NEXN: variants seen among roughly 807,000 people sequenced by gnomAD.
NEXN encodes nexilin.
NEXN carries 65 observed loss-of-function variants against 92.6 expected under a neutral mutation model. That is an observed-to-expected ratio of 0.70 (90% confidence interval 0.57 to 0.86). NEXN has a LOEUF of 0.86. Ranked by LOEUF, NEXN falls within the 40% of genes least tolerant of loss-of-function variation. The pLI, the probability that NEXN is intolerant of heterozygous loss-of-function variation, is 0.00. For missense variants in NEXN, 778 were observed against 771.1 expected, an observed-to-expected ratio of 1.01 and a Z score of -0.11; for synonymous variants, 254 against 242.5, an observed-to-expected ratio of 1.05 and a Z score of -0.44.
intron 11 of NEXN, among the ~76,000 whole-genome samples, chr1:77,939,007 A>G (rs1651027927): frequency 6.6e-6 from 1 of 152,226 alleles, no homozygotes; most frequent in African/African-American, 2.4e-5. Flanking sequence ...CAGAGTAATA[A>G]AATATTTATG....
At chr1:77,923,644 G>A (rs1419964474) in intron 5 of NEXN, among the ~76,000 whole-genome samples, 1 of 150,064 alleles carries the variant, frequency 6.7e-6, no homozygotes. Flanking sequence ...CTAAACTAAC[G>A]GTATTTCTTA....
chr1:77,904,606 C>T (rs1647963898), intron 1 of NEXN, among the ~76,000 whole-genome samples: 1 of 152,094 alleles, frequency 6.6e-6, no homozygotes, highest in Non-Finnish European at 1.5e-5. Flanking sequence ...TGGAAAGCAA[C>T]TGATCCCCTG....
At chr1:77,923,317 A>C (rs1278072639) in intron 5 of NEXN, among the ~76,000 whole-genome samples, 3 of 151,860 alleles carry the variant, frequency 2.0e-5, no homozygotes, top group Non-Finnish European at 2.9e-5. Flanking sequence ...AAAATGTATT[A>C]TTTCTTTCTT....
intron 6 of NEXN, among the ~76,000 whole-genome samples, chr1:77,925,626 T>C (rs1205793077): frequency 2.0e-5 from 3 of 152,300 alleles, no homozygotes; most frequent in Middle Eastern, 3.4e-3. Flanking sequence ...TTGGTTTTTA[T>C]ATAATAGTAC....
intron 5 of NEXN, among the ~76,000 whole-genome samples, chr1:77,923,512 C>T (rs149867024): frequency 6.6e-6 from 1 of 152,056 alleles, no homozygotes; most frequent in African/African-American, 2.4e-5. Flanking sequence ...ACTTTTTTAA[C>T]GGTTCCATTT....
Position 77,904,780 on chromosome 1 carries a change from T to C in NEXN, c.-52-11275T>C, listed in dbSNP as rs1279339438. 3.3e-5 allele frequency among the ~76,000 whole-genome samples: 5 copies of C among 152,272 alleles called. No homozygotes were observed. The East Asian group carries it at 9.6e-4, about 29-fold the overall frequency. ...CTTTCAATTCTATAGTAGGCATGGT[T>C]GATGTTAGAACCTTACCTGTGTTTG... is the stretch of plus-strand genomic sequence containing the variant. On this transcript the variant is annotated intron_variant, in intron 1 of 12. Coordinates refer to ENST00000334785, the MANE Select transcript of NEXN (RefSeq NM_144573.4).
At chr1:77,938,813 A>G (rs569170416) in intron 11 of NEXN, among the ~76,000 whole-genome samples, 1 of 152,294 alleles carries the variant, frequency 6.6e-6, no homozygotes, top group South Asian at 2.1e-4. Flanking sequence ...AGCCTTCCAG[A>G]TTAACTCAGA....
rs777950595 is a variant in NEXN at position 77,942,669 on chromosome 1, A to G, written c.1868A>G (p.Gln623Arg). Residue 623 changes from glutamine (Q) to arginine (R), a missense_variant, in exon 13 of 13, where the codon CAG becomes CGG. Transcript: ENST00000334785. ...ITWWFEGEIL[Q>R]DGEDYQYIER... ...TGGTGGTTTGAAGGAGAAATACTGC[A>G]GGATGGAGAAGACTATCAATATATT... 1.2e-6 allele frequency: 2 copies of G among 1,613,804 alleles called. No individual in the cohort carries two copies. The highest frequency in any genetic ancestry group is 3.3e-5 in the Admixed American group (2 of 60,000).
intron 1 of NEXN, among the ~76,000 whole-genome samples, chr1:77,915,777 C>T (rs973090415): frequency 1.3e-5 from 2 of 152,166 alleles, no homozygotes; most frequent in African/African-American, 4.8e-5. Context: ...GAGTAATACA[C>T]TCAGTAATTG....
chr1:77,897,751 G>T (rs1647349145), intron 1 of NEXN, among the ~76,000 whole-genome samples: 1 of 151,738 alleles, frequency 6.6e-6, no homozygotes, highest in Admixed American at 6.6e-5. Flanking sequence ...GATTGTATAT[G>T]TAGAAAACCC....
chr1:77,934,514 T>C (rs1039076717), intron 10 of NEXN, among the ~76,000 whole-genome samples: 5 of 152,230 alleles, frequency 3.3e-5, no homozygotes, highest in African/African-American at 1.2e-4. Flanking sequence ...GATTGGACGA[T>C]GAAGCATGCC....
At position 77,917,587 on chromosome 1, in the gene NEXN, C is replaced by G; in HGVS notation, c.49C>G (p.Pro17Ala). 6.2e-7 allele frequency: 1 copy of G among 1,612,960 alleles called. No individual in the cohort carries two copies. The highest frequency in any genetic ancestry group is 8.5e-7 in the Non-Finnish European group (1 of 1,179,358). Residue 17 changes from proline to alanine, a missense_variant, in exon 3 of 13, where the codon CCT becomes GCT. This residue lies in a region of NEXN where 236 missense variants were observed against 265.6 expected (regional missense o/e 0.89). Coordinates refer to ENST00000334785, the MANE Select transcript of NEXN (RefSeq NM_144573.4). ...GAAGATTCTGCTTTCTTCATCTAAACCTGTCCCAAAAACCTATGTACCAAA... is the reference window on the plus strand; with the variant it reads ...GAAGATTCTGCTTTCTTCATCTAAAGCTGTCCCAAAAACCTATGTACCAAA... ...KAEILLSSSK[P>A]VPKTYVPKLG...
intron 1 of NEXN, among the ~76,000 whole-genome samples, chr1:77,903,216 A>C (rs1444038348): frequency 6.6e-6 from 1 of 151,990 alleles, no homozygotes; most frequent in African/African-American, 2.4e-5. Flanking sequence ...TTATCCTATC[A>C]TAAGAAATGA....
chr1:77,898,830 AT>A (rs1647444000), intron 1 of NEXN, among the ~76,000 whole-genome samples: 1 of 152,170 alleles, frequency 6.6e-6, no homozygotes, highest in South Asian at 2.1e-4. Flanking sequence ...AAACAACCCC[AT>A]CAAAAAGTGG....
intron 9 of NEXN, among the ~76,000 whole-genome samples, chr1:77,930,996 C>A (rs751743317): frequency 8.5e-5 from 13 of 152,134 alleles, no homozygotes; most frequent in East Asian, 3.8e-4. Context: ...TGAAATCTTA[C>A]GTGCAGTAGG....
chr1:77,904,149 C>A (rs866004271), intron 1 of NEXN, among the ~76,000 whole-genome samples: 1 of 152,068 alleles, frequency 6.6e-6, no homozygotes, highest in Non-Finnish European at 1.5e-5. Flanking sequence ...TCTGGCACCA[C>A]ACCCAGCTAA....
chr1:77,938,036 G>C (rs932656811), intron 11 of NEXN, among the ~76,000 whole-genome samples: 3 of 152,232 alleles, frequency 2.0e-5, no homozygotes, highest in Admixed American at 6.5e-5. Context: ...TGGTGATGGA[G>C]AGGAAGAGGA....
In NEXN at chr1:77,942,860, T is replaced by A; in HGVS notation, c.*31T>A. The A allele has an allele frequency of 4.5e-6, 7 of 1,570,484 alleles. No homozygotes were observed. Among genetic ancestry groups the A allele is most frequent in the Non-Finnish European group, 6.1e-6 (7 of 1,155,338 alleles). On this transcript the variant is annotated 3_prime_UTR_variant, in exon 13 of 13. Coordinates refer to ENST00000334785, the MANE Select transcript of NEXN (RefSeq NM_144573.4). ...CTTTTTATCTTTTATTCTATTAATT[T>A]TTTTTTCCTTAAAATCACTTTTCTT...
chr1:77,921,487 C>T (rs1649414641), intron 5 of NEXN, among the ~76,000 whole-genome samples: 1 of 152,060 alleles, frequency 6.6e-6, no homozygotes, highest in Non-Finnish European at 1.5e-5. Flanking sequence ...CTCTGTTGCC[C>T]AGGCTGGAGT....
Sources: allele counts gnomAD v4.1 joint callset (sites outside exome capture counted in the v4.1 genomes callset), GRCh38; gene constraint gnomAD v4.1.1; regional missense constraint gnomAD v4.1.1; transcripts MANE v1.5; gene names NCBI Gene and HGNC (gene_info 2026-07-23, HGNC 2026-07-21).